Variants in PRKACB observed in about 807,000 individuals in gnomAD.
PRKACB encodes cAMP-dependent protein kinase catalytic subunit beta.
A neutral mutation model predicts 51.4 loss-of-function variants in PRKACB; 16 were observed. The observed-to-expected ratio is 0.31, with a 90% CI of 0.21 to 0.47. The LOEUF (loss-of-function observed/expected upper bound fraction) is 0.47. Ranked by LOEUF, PRKACB falls within the 20% of genes least tolerant of loss-of-function variation. PRKACB has a pLI of 1.00. For synonymous variants in PRKACB, 147 were observed against 154.4 expected (o/e 0.95, Z 0.35); for missense variants, 309 against 464.5 (o/e 0.67, Z 3.08).
intron 7 of PRKACB, among the ~76,000 whole-genome samples, chr1:84,201,198 A>G (rs1249167852): frequency 6.6e-6 from 1 of 152,132 alleles, no homozygotes; most frequent in Non-Finnish European, 1.5e-5. Context: ...TGCCTATTTC[A>G]TAACACTATC....
At chr1:84,126,560 G>A (rs1234792954) in intron 1 of PRKACB, among the ~76,000 whole-genome samples, 1 of 152,110 alleles carries the variant, frequency 6.6e-6, no homozygotes, top group Non-Finnish European at 1.5e-5. Context: ...TGGGGAGGTG[G>A]GGACAGCCAA....
chr1:84,114,648 A>C (rs1650489259), intron 1 of PRKACB, among the ~76,000 whole-genome samples: 1 of 152,042 alleles, frequency 6.6e-6, no homozygotes, highest in African/African-American at 2.4e-5. Context: ...TGTACCCTTT[A>C]ATTCACTTCT....
intron 1 of PRKACB, among the ~76,000 whole-genome samples, chr1:84,091,051 G>A (rs1190785860): frequency 1.3e-5 from 2 of 151,658 alleles, no homozygotes; most frequent in African/African-American, 4.9e-5. Context: ...TTTTCTCTTT[G>A]ACCCTACTTT....
chr1:84,167,314 A>T (rs1017856567), intron 1 of PRKACB, among the ~76,000 whole-genome samples: 1 of 151,652 alleles, frequency 6.6e-6, no homozygotes, highest in Non-Finnish European at 1.5e-5. Context: ...TAAACTCCTT[A>T]TTAGGTCACA....
chr1:84,102,905 C>G (rs188145734), intron 1 of PRKACB, among the ~76,000 whole-genome samples: 100 of 152,288 alleles, frequency 6.6e-4, no homozygotes, highest in African/African-American at 2.2e-3. Context: ...CTTGTTTTCC[C>G]TCTTTTTGAA....
intron 1 of PRKACB, among the ~76,000 whole-genome samples, chr1:84,166,981 T>C (rs978353593): frequency 1.4e-4 from 21 of 151,602 alleles, no homozygotes; most frequent in Non-Finnish European, 2.2e-4. Context: ...CTGTTAATGA[T>C]CTCACTGCCC....
intron 1 of PRKACB, among the ~76,000 whole-genome samples, chr1:84,096,461 C>T (rs1021820845): frequency 2.6e-5 from 4 of 151,992 alleles, no homozygotes; most frequent in Non-Finnish European, 5.9e-5. Context: ...ATTTTTTTCC[C>T]TTGTCAGCCA....
chr1:84,189,805 C>T (rs956996175), intron 5 of PRKACB, among the ~76,000 whole-genome samples: 12 of 151,932 alleles, frequency 7.9e-5, no homozygotes, highest in African/African-American at 2.9e-4. Flanking sequence ...CAACCTTTTG[C>T]AGTATTATTG....
At chr1:84,113,713 A>G (rs1402694800) in intron 1 of PRKACB, among the ~76,000 whole-genome samples, 2 of 152,216 alleles carry the variant, frequency 1.3e-5, no homozygotes, top group Non-Finnish European at 2.9e-5. Context: ...GATAAACCGC[A>G]AAAACATGCT....
intron 5 of PRKACB, among the ~76,000 whole-genome samples, chr1:84,186,803 G>A (rs755109477): frequency 2.0e-5 from 3 of 152,058 alleles, no homozygotes; most frequent in Non-Finnish European, 4.4e-5. Context: ...CCACATTCAA[G>A]TAACGAGGAG....
chr1:84,190,153 A>G (rs1374541833), intron 5 of PRKACB, among the ~76,000 whole-genome samples: 2 of 151,918 alleles, frequency 1.3e-5, no homozygotes, highest in Non-Finnish European at 2.9e-5. Flanking sequence ...TGACTACTAG[A>G]CCTCAATATA....
intron 8 of PRKACB, among the ~76,000 whole-genome samples, chr1:84,208,303 G>A (rs1671640292): frequency 1.3e-5 from 2 of 152,214 alleles, no homozygotes; most frequent in Non-Finnish European, 2.9e-5. Flanking sequence ...TATAATCAGT[G>A]CTGAAAGCAG....
intron 1 of PRKACB, among the ~76,000 whole-genome samples, chr1:84,167,288 C>T (rs890460036): frequency 2.6e-5 from 4 of 151,512 alleles, no homozygotes; most frequent in Non-Finnish European, 5.9e-5. Context: ...CTCCCTATTG[C>T]CTTTAAAATA....
intron 1 of PRKACB, among the ~76,000 whole-genome samples, chr1:84,131,227 C>T (rs12760594): frequency 0.47 from 71,728 of 151,464 alleles, 17,712 homozygotes; most frequent in Non-Finnish European, 0.56. Context: ...CGTGGTGGCG[C>T]GTGCCTGAAA....
intron 1 of PRKACB, among the ~76,000 whole-genome samples, chr1:84,106,078 G>T (rs570087206): frequency 6.6e-6 from 1 of 152,230 alleles, no homozygotes; most frequent in South Asian, 2.1e-4. Context: ...AGGAAGATGT[G>T]CATAGGCTAT....
intron 1 of PRKACB, among the ~76,000 whole-genome samples, chr1:84,176,438 T>C (rs1000713293): frequency 2.0e-5 from 3 of 151,860 alleles, no homozygotes; most frequent in African/African-American, 4.8e-5. Flanking sequence ...TGTTTTAGGG[T>C]TACACATAAT....
chr1:84,182,365 CT>C, intron 3 of PRKACB, 37 bp downstream of exon 3: 1 of 1,471,226 alleles, frequency 6.8e-7, no homozygotes, highest in Non-Finnish European at 9.1e-7. Flanking sequence ...TCAGGGTAAA[CT>C]TTAGTTTTAT....
chr1:84,103,650 A>G (rs72711197), intron 1 of PRKACB, among the ~76,000 whole-genome samples: 3,583 of 152,272 alleles, frequency 0.024, 66 homozygotes, highest in Non-Finnish European at 0.036. Flanking sequence ...ATTGTGGTAT[A>G]GAGATGAACA....
intron 5 of PRKACB, among the ~76,000 whole-genome samples, chr1:84,195,511 CAAGT>C (rs1449149073): frequency 6.6e-6 from 1 of 152,114 alleles, no homozygotes; most frequent in Admixed American, 6.6e-5. Context: ...TAGTAGAATT[CAAGT>C]AATACATTAG....
Sources: allele counts gnomAD v4.1 joint callset (sites outside exome capture counted in the v4.1 genomes callset), GRCh38; gene constraint gnomAD v4.1.1; transcripts MANE v1.5; gene names NCBI Gene and HGNC (gene_info 2026-07-23, HGNC 2026-07-21).